RSBN1L: variants seen among roughly 807,000 people sequenced by gnomAD.
RSBN1L encodes round spermatid basic protein 1 like.
RSBN1L carries 30 observed loss-of-function variants against 67.7 expected under a neutral mutation model. The ratio of observed to expected loss-of-function variants is 0.44; its 90% CI spans 0.33 to 0.60. The LOEUF is 0.60. RSBN1L is among the 20% of genes least tolerant of loss of function. RSBN1L has a pLI of 0.02. For synonymous variants in RSBN1L, 433 were observed against 387.0 expected (o/e 1.12, Z -1.39); for missense variants, 992 against 1,031.7 (o/e 0.96, Z 0.53).
At position 77,696,621 on chromosome 7, in the gene RSBN1L, A is replaced by G. The variant is rs1008412544; in HGVS notation, c.152A>G (p.Lys51Arg). The change falls in exon 1 of 8, where the codon AAG becomes AGG. Residue 51 changes from lysine (K) to arginine (R), a missense_variant. By Grantham distance (26) the Lys-to-Arg change is conservative. This residue lies in a region of RSBN1L where 575 missense variants were observed against 483.2 expected (regional missense o/e 1.19). Transcript: ENST00000334955. Reference sequence around the variant, plus strand: ...AAGAAGGTCCGGACTGAGGAGAAGAAGGCACCGCGGAGAGTGAACGGAGAA... The same window carrying G: ...AAGAAGGTCCGGACTGAGGAGAAGAGGGCACCGCGGAGAGTGAACGGAGAA... ...SAKKVRTEEK[K>R]APRRVNGEGG... The G allele has an allele frequency of 3.1e-6, 5 of 1,613,898 alleles. No homozygotes were observed. In the African/African-American group the frequency reaches 6.7e-5, roughly 22 times the overall value.
intron 3 of RSBN1L, among the ~76,000 whole-genome samples, chr7:77,756,225 G>A (rs1478550484): frequency 6.6e-5 from 10 of 151,702 alleles, no homozygotes; most frequent in Non-Finnish European, 1.5e-4. Flanking sequence ...TCTGTCTCCC[G>A]GGTTCAAGCG....
intron 1 of RSBN1L, among the ~76,000 whole-genome samples, chr7:77,733,810 T>G (rs1411862342): frequency 6.6e-6 from 1 of 152,212 alleles, no homozygotes; most frequent in Non-Finnish European, 1.5e-5. Context: ...TAGGCTTATA[T>G]AGTGAATATA....
At position 77,696,834 on chromosome 7, in the gene RSBN1L, A is replaced by G; in HGVS notation, c.365A>G (p.Gln122Arg). 1 of 1,613,290 alleles carries G rather than the reference A, an allele frequency of 6.2e-7. No individual in the cohort carries two copies. Among genetic ancestry groups the G allele is most frequent in the Non-Finnish European group, 8.5e-7 (1 of 1,179,934 alleles). The change falls in exon 1 of 8, where the codon CAG becomes CGG. Residue 122 changes from glutamine to arginine, a missense_variant. Gln to Arg is a conservative substitution (Grantham distance 43). Transcript: ENST00000334955. Reference protein sequence around the residue: ...VPSSASASLSQPVPRKLLVPP... With the variant: ...VPSSASASLSRPVPRKLLVPP... ...TCCTCAGCCTCCGCTTCCTTGTCTCAGCCGGTGCCGCGCAAACTGCTGGTC... is the reference window on the plus strand; with the variant it reads ...TCCTCAGCCTCCGCTTCCTTGTCTCGGCCGGTGCCGCGCAAACTGCTGGTC...
At chr7:77,755,022 A>G (rs909162635) in intron 3 of RSBN1L, among the ~76,000 whole-genome samples, 1 of 152,188 alleles carries the variant, frequency 6.6e-6, no homozygotes, top group Non-Finnish European at 1.5e-5. Context: ...GAAACTGTAT[A>G]TTTTGGTGGT....
chr7:77,717,133 A>G (rs1412579284), intron 1 of RSBN1L, among the ~76,000 whole-genome samples: 2 of 150,936 alleles, frequency 1.3e-5, no homozygotes, highest in Admixed American at 1.3e-4. Context: ...GCTGTTTTTT[A>G]TTTTATTTTT....
At chr7:77,767,650 C>T (rs768170298) in intron 4 of RSBN1L, among the ~76,000 whole-genome samples, 2 of 151,826 alleles carry the variant, frequency 1.3e-5, no homozygotes, top group Non-Finnish European at 2.9e-5. Flanking sequence ...GTTGGGATTA[C>T]AGGCCTGAGC....
At chr7:77,715,347 G>A (rs889119301) in intron 1 of RSBN1L, among the ~76,000 whole-genome samples, 3 of 152,086 alleles carry the variant, frequency 2.0e-5, no homozygotes. Flanking sequence ...TATTTTGTGT[G>A]TGTGACAGAG....
At position 77,780,122 on chromosome 7, in the gene RSBN1L, G is replaced by C. The variant is rs62460740; in HGVS notation, c.*954G>C. ...TGGGATTGCAGGGGTGAGCCACAGCGCCCAGCCTATGCAGGCATTTTTAAC... is the reference window on the plus strand; with the variant it reads ...TGGGATTGCAGGGGTGAGCCACAGCCCCCAGCCTATGCAGGCATTTTTAAC... On this transcript the variant is annotated 3_prime_UTR_variant, in exon 8 of 8. Coordinates refer to ENST00000334955, the MANE Select transcript of RSBN1L (RefSeq NM_198467.3). The C allele has an allele frequency of 2.0e-5, 3 of 151,914 alleles. No individual in the cohort carries two copies. Among genetic ancestry groups the C allele is most frequent in the Non-Finnish European group, 4.4e-5 (3 of 68,050 alleles). The allele number at this position is 151,914 out of a possible 1,614,324, so 9.4% of individuals were successfully genotyped here. A position where few individuals can be genotyped will look rare whatever the true frequency, so the allele number is the denominator to read the frequency against.
At position 77,696,778 on chromosome 7, in the gene RSBN1L, T is replaced by C; in HGVS notation, c.309T>C (p.Ser103=). Residue 103 remains serine (S), a synonymous_variant, in exon 1 of 8, where the codon AGT becomes AGC. Coordinates refer to ENST00000334955, the MANE Select transcript of RSBN1L (RefSeq NM_198467.3). The stretch of plus-strand genomic sequence containing the variant: ...CCTCCCCGTCCTCTTCTCGGAGCAG[T>C]TTCTCTTTCTCCGCTGGCACGGCCG... The part of the protein sequence containing the change: ...AAPSPSSSRS[S]FSFSAGTAVP... 6.2e-7 allele frequency: 1 copy of C among 1,613,792 alleles called. No homozygotes were observed. The highest frequency in any genetic ancestry group is 2.2e-5 in the East Asian group (1 of 44,884).
rs572976699 is a variant in RSBN1L, at chr7:77,772,631, G to GT, written c.1626-510dup. On this transcript the variant is annotated intron_variant, in intron 5 of 7. Coordinates refer to ENST00000334955, the MANE Select transcript of RSBN1L (RefSeq NM_198467.3). ...CTGCTGGGTGTTTACTGCTAAATCT[G>GT]TTTTTTGATTCTTCCCTCACTAGAC... Among the ~76,000 whole-genome samples the GT allele has an allele frequency of 3.9e-5, 6 of 152,350 alleles. 1 individual carries two copies. The South Asian group carries it at 1.2e-3, about 32-fold the overall frequency.
At chr7:77,737,538 T>C (rs965525009) in intron 2 of RSBN1L, among the ~76,000 whole-genome samples, 2 of 152,222 alleles carry the variant, frequency 1.3e-5, no homozygotes, top group African/African-American at 4.8e-5. Flanking sequence ...TACGATATTC[T>C]TTCAACCTTG....
Position 77,779,655 on chromosome 7 carries a change from TAATA to T in RSBN1L, c.*492_*495del, listed in dbSNP as rs1244356675. 2.6e-5 allele frequency: 4 copies of T among 152,272 alleles called. No homozygotes were observed. The highest frequency in any genetic ancestry group is 1.9e-4 in the East Asian group (1 of 5,194). 9.4% of individuals were successfully genotyped at this position (152,272 alleles called of 1,614,324 possible). ...TTAATAAAGGTTCATATGTTCATATTAATAAATATGTTTTCTGTTGAGTCTGTAA... is the reference window on the plus strand; with the variant it reads ...TTAATAAAGGTTCATATGTTCATATTAATATGTTTTCTGTTGAGTCTGTAA... On this transcript the variant is annotated 3_prime_UTR_variant, in exon 8 of 8. Coordinates refer to ENST00000334955, the MANE Select transcript of RSBN1L (RefSeq NM_198467.3).
intron 1 of RSBN1L, among the ~76,000 whole-genome samples, chr7:77,709,546 T>A (rs1426396936): frequency 6.6e-6 from 1 of 152,146 alleles, no homozygotes; most frequent in South Asian, 2.1e-4. Context: ...CACCTTGGCC[T>A]CCCAAAGTGC....
At chr7:77,709,186 G>GTA (rs754531705) in intron 1 of RSBN1L, among the ~76,000 whole-genome samples, 2 of 131,040 alleles carry the variant, frequency 1.5e-5, no homozygotes, top group African/African-American at 6.3e-5. Flanking sequence ...GTGTGTGTGT[G>GTA]TGTGTGTGTG....
intron 3 of RSBN1L, among the ~76,000 whole-genome samples, chr7:77,760,697 G>A (rs1349343545): frequency 2.0e-5 from 3 of 152,104 alleles, no homozygotes; most frequent in Non-Finnish European, 4.4e-5. Context: ...GCAGTGGTGC[G>A]ATCTCGCTGG....
At chr7:77,697,088 C>A in intron 1 of RSBN1L, 33 bp downstream of exon 1, 1 of 1,341,346 alleles carries the variant, frequency 7.5e-7, no homozygotes, top group South Asian at 1.9e-5. Context: ...GAGGGGAGGG[C>A]GCCGTGGGTC....
intron 1 of RSBN1L, among the ~76,000 whole-genome samples, chr7:77,702,640 A>G (rs1476142400): frequency 6.6e-6 from 1 of 152,076 alleles, no homozygotes; most frequent in Admixed American, 6.6e-5. Flanking sequence ...AATGATGGAG[A>G]GAGGAGGGGT....
At chr7:77,723,670 T>C (rs1791152835) in intron 1 of RSBN1L, among the ~76,000 whole-genome samples, 1 of 151,934 alleles carries the variant, frequency 6.6e-6, no homozygotes, top group African/African-American at 2.4e-5. Flanking sequence ...GCGTGGTGGC[T>C]CACACCTGTA....
At chr7:77,712,086 C>T (rs1790981854) in intron 1 of RSBN1L, among the ~76,000 whole-genome samples, 1 of 151,574 alleles carries the variant, frequency 6.6e-6, no homozygotes, top group Admixed American at 6.6e-5. Flanking sequence ...ATAAAAATTG[C>T]CTAATTAAAT....
Sources: allele counts gnomAD v4.1 joint callset (sites outside exome capture counted in the v4.1 genomes callset), GRCh38; gene constraint gnomAD v4.1.1; regional missense constraint gnomAD v4.1.1; transcripts MANE v1.5; gene names NCBI Gene and HGNC (gene_info 2026-07-23, HGNC 2026-07-21).